RPS6KA1: variants seen among roughly 807,000 people sequenced by gnomAD.
RPS6KA1 encodes ribosomal protein S6 kinase alpha-1.
RPS6KA1 carries 48 observed loss-of-function variants against 91.3 expected under a neutral mutation model. That is an observed-to-expected ratio of 0.53 (90% CI 0.42 to 0.67). The LOEUF (loss-of-function observed/expected upper bound fraction) is 0.67, where lower values mean the gene tolerates loss of function less well. Among genes scored for constraint, RPS6KA1 ranks in the 30% least tolerant of loss-of-function variants. The pLI, the probability that RPS6KA1 is intolerant of heterozygous loss-of-function variation, is 0.00. For missense variants in RPS6KA1, 719 were observed against 960.5 expected, an observed-to-expected ratio of 0.75 and a Z score of 3.32; for synonymous variants, 359 against 384.7, an observed-to-expected ratio of 0.93 and a Z score of 0.78.
intron 2 of RPS6KA1, chr1:26,546,158 C>T (rs2075993277): frequency 8.9e-7 from 1 of 1,117,952 alleles, no homozygotes; most frequent in South Asian, 1.5e-5. Context: ...TGCAGGGTGA[C>T]TGGACCCTGC....
chr1:26,555,073 G>A lies in RPS6KA1; in HGVS notation c.757-78G>A. 7.2e-7 allele frequency: 1 copy of A among 1,382,080 alleles called. No individual in the cohort carries two copies. Among genetic ancestry groups the A allele is most frequent in the Non-Finnish European group, 1.0e-6 (1 of 977,634 alleles). The allele number at this position is 1,382,080 out of a possible 1,614,324, so 85.6% of individuals were successfully genotyped here. A position where few individuals can be genotyped will look rare whatever the true frequency, so the allele number is the denominator to read the frequency against. Reference sequence around the variant, plus strand: ...CAGCAAGAATCCTGGGACTGGGGCAGAGGGGTCTGACTGGGAGGAGGCGGG... The same window carrying A: ...CAGCAAGAATCCTGGGACTGGGGCAAAGGGGTCTGACTGGGAGGAGGCGGG... On this transcript the variant is annotated intron_variant, in intron 9 of 21. Transcript: ENST00000374168. This position sits in a 1 kb window ranked among gnomAD's most constrained non-coding sequence, Gnocchi z 4.3.
intron 1 of RPS6KA1, among the ~76,000 whole-genome samples, chr1:26,531,976 G>A (rs1346993462): frequency 2.0e-5 from 3 of 152,252 alleles, no homozygotes; most frequent in South Asian, 2.1e-4. Context: ...ACATGTAAGC[G>A]ATACAGCCGC....
At chr1:26,533,325 G>C (rs564358166) in intron 1 of RPS6KA1, among the ~76,000 whole-genome samples, 2 of 152,216 alleles carry the variant, frequency 1.3e-5, no homozygotes, top group South Asian at 2.1e-4. Flanking sequence ...TGATCCTCGT[G>C]ATCTGTGAGG....
chr1:26,533,160 A>G (rs535899174), intron 1 of RPS6KA1, among the ~76,000 whole-genome samples: 4 of 151,942 alleles, frequency 2.6e-5, no homozygotes, highest in Admixed American at 2.6e-4. Context: ...GCTCACTGCA[A>G]CCTCCACCTC....
At chr1:26,565,018 G>A (rs2076186867) in intron 17 of RPS6KA1, among the ~76,000 whole-genome samples, 2 of 152,232 alleles carry the variant, frequency 1.3e-5, no homozygotes, top group Admixed American at 1.3e-4. Context: ...GAGGCAGTGA[G>A]CTCCTTCCAC....
rs568052711 is a variant in RPS6KA1 at position 26,558,865 on chromosome 1, C to T, written c.1143C>T (p.Phe381=). Residue 381 remains phenylalanine, a synonymous_variant, in exon 14 of 22, where the codon TTC becomes TTT. Transcript: ENST00000374168. This position sits in a 1 kb window ranked among gnomAD's most constrained non-coding sequence, Gnocchi z 4.0. Reference sequence around the variant, plus strand: ...ATCAGCTGTTCCGGGGCTTCAGCTTCGTGGCCACCGGCCTGATGGAAGACG... The same window carrying T: ...ATCAGCTGTTCCGGGGCTTCAGCTTTGTGGCCACCGGCCTGATGGAAGACG... The part of the protein sequence containing the change: ...GAHQLFRGFS[F]VATGLMEDDG... The T allele has an allele frequency of 9.3e-6, 15 of 1,613,892 alleles. No homozygotes were observed. Among genetic ancestry groups the T allele is most frequent in the South Asian group, 6.6e-5 (6 of 91,084 alleles).
intron 2 of RPS6KA1, among the ~76,000 whole-genome samples, chr1:26,541,080 G>A (rs1480785966): frequency 3.3e-5 from 5 of 151,452 alleles, no homozygotes; most frequent in Non-Finnish European, 4.4e-5. Context: ...ATGAGCCACC[G>A]CGCCCGGCCC....
At chr1:26,552,306 T>C in intron 6 of RPS6KA1, among the ~76,000 whole-genome samples, 1 of 143,304 alleles carries the variant, frequency 7.0e-6, no homozygotes, top group East Asian at 2.1e-4. Flanking sequence ...AAGAATCGCT[T>C]GAACCCAGGA....
intron 2 of RPS6KA1, among the ~76,000 whole-genome samples, chr1:26,544,987 CTCTG>C (rs2075979737): frequency 6.6e-6 from 1 of 151,976 alleles, no homozygotes; most frequent in African/African-American, 2.4e-5. Flanking sequence ...CTCTGTCCAC[CTCTG>C]TCTGTTAGAT....
At position 26,554,027 on chromosome 1, in the gene RPS6KA1, A is replaced by T; in HGVS notation, c.576-187A>T. 1 of 573,448 alleles carries T rather than the reference A, an allele frequency of 1.7e-6. No homozygotes were observed. Among genetic ancestry groups the T allele is most frequent in the East Asian group, 3.1e-5 (1 of 32,552 alleles). The allele number at this position is 573,448 out of a possible 1,614,324, so 35.5% of individuals were successfully genotyped here. On this transcript the variant is annotated intron_variant, in intron 7 of 21. Coordinates refer to ENST00000374168, the MANE Select transcript of RPS6KA1 (RefSeq NM_002953.4). The surrounding 1 kb of genome is among the most constrained non-coding windows in gnomAD (Gnocchi z 4.6). Reference sequence around the variant, plus strand: ...CTTGCCTCACACAGTTGCTTCAAGGATTAGCAAAAAAGATAGGCAACACCC... The same window carrying T: ...CTTGCCTCACACAGTTGCTTCAAGGTTTAGCAAAAAAGATAGGCAACACCC...
At chr1:26,546,145 C>A in intron 2 of RPS6KA1, 2 of 1,297,972 alleles carry the variant, frequency 1.5e-6, no homozygotes, top group Non-Finnish European at 2.1e-6. Flanking sequence ...CCAGGCCTGG[C>A]CCTGCAGGGT....
rs1284835980 is a variant in RPS6KA1, at chr1:26,540,042, G to A, written c.108+3073G>A. The stretch of plus-strand genomic sequence containing the variant: ...CCTTGGGCAGCCTCAGGTGTTGGGA[G>A]GAACTTCCCTTGGCCTGGTCAGAGA... On this transcript the variant is annotated intron_variant, in intron 2 of 21. Coordinates refer to ENST00000374168, the MANE Select transcript of RPS6KA1 (RefSeq NM_002953.4). The surrounding 1 kb of genome is among the most constrained non-coding windows in gnomAD (Gnocchi z 4.2). Among the ~76,000 whole-genome samples the A allele has an allele frequency of 2.0e-5, 3 of 152,214 alleles. No homozygotes were observed. Among genetic ancestry groups the A allele is most frequent in the African/African-American group, 7.2e-5 (3 of 41,450 alleles).
chr1:26,546,721 A>C (rs908133276), intron 2 of RPS6KA1, 146 bp from the exon 3 acceptor site: 1 of 617,550 alleles, frequency 1.6e-6, no homozygotes, highest in Non-Finnish European at 2.9e-6. Flanking sequence ...GAAATCGATG[A>C]CCCTGGAGGC....
rs1399426648 is a variant in RPS6KA1, at chr1:26,561,215, C to A, written c.1431+81C>A. 2 of 1,313,150 alleles carry A rather than the reference C, an allele frequency of 1.5e-6. No individual in the cohort carries two copies. The highest frequency in any genetic ancestry group is 2.2e-6 in the Non-Finnish European group (2 of 918,516). The allele number at this position is 1,313,150 out of a possible 1,614,324, so 81.3% of individuals were successfully genotyped here. On this transcript the variant is annotated intron_variant, in intron 16 of 21. Transcript: ENST00000374168. The surrounding 1 kb of genome is among the most constrained non-coding windows in gnomAD (Gnocchi z 5.7). ...TGTCTCAGGATTGCCATTCCTTTGA[C>A]TTCTCATCCTCTTTCCAGTGGTCAT...
Position 26,571,395 on chromosome 1 carries a change from G to C in RPS6KA1, c.1591-54G>C. 1.3e-6 allele frequency: 2 copies of C among 1,573,992 alleles called. No individual in the cohort carries two copies. Among genetic ancestry groups the C allele is most frequent in the Non-Finnish European group, 1.7e-6 (2 of 1,146,302 alleles). ...CTTTCTAATCTCTGGCCGCTGACCT[G>C]GGCCACTAGCCACCTCCCCACACTG... On this transcript the variant is annotated intron_variant, in intron 17 of 21. Transcript: ENST00000374168. This position sits in a 1 kb window ranked among gnomAD's most constrained non-coding sequence, Gnocchi z 5.1.
intron 13 of RPS6KA1, among the ~76,000 whole-genome samples, chr1:26,557,551 C>T (rs1319562980): frequency 6.6e-6 from 1 of 152,130 alleles, no homozygotes; most frequent in Non-Finnish European, 1.5e-5. Context: ...GACTGCCCGG[C>T]CTCCGTGTAC....
At chr1:26,567,345 G>A (rs364977) in intron 17 of RPS6KA1, among the ~76,000 whole-genome samples, 42,904 of 151,772 alleles carry the variant, frequency 0.28, 6,943 homozygotes, top group East Asian at 0.75. Context: ...GTGCTGCTTT[G>A]GACAGCATCT....
chr1:26,546,872 G>C lies in RPS6KA1; in HGVS notation c.114G>C (p.Glu38Asp). Residue 38 changes from glutamate (E) to aspartate (D), a missense_variant, in exon 3 of 22, where the codon GAG becomes GAC. Around this residue, in one of 5 missense-constraint regions of RPS6KA1, gnomAD observed 57 missense variants for 55.8 expected, o/e 1.02. Transcript: ENST00000374168. ...CAGCTCTGTCCCTCCATCAGGATGA[G>C]GGCGTCCTCAAGGAGATCTCCATCA... ...EEAGLQPSKD[E>D]GVLKEISITH... 6.2e-7 allele frequency: 1 copy of C among 1,613,792 alleles called. No individual in the cohort carries two copies. Among genetic ancestry groups the C allele is most frequent in the Non-Finnish European group, 8.5e-7 (1 of 1,179,744 alleles).
At chr1:26,550,070 G>A (rs2076034736) in intron 4 of RPS6KA1, among the ~76,000 whole-genome samples, 1 of 151,520 alleles carries the variant, frequency 6.6e-6, no homozygotes, top group Non-Finnish European at 1.5e-5. Flanking sequence ...GTAGAGACAG[G>A]GTTTCTCCAT....
Sources: allele counts gnomAD v4.1 joint callset (sites outside exome capture counted in the v4.1 genomes callset), GRCh38; gene constraint gnomAD v4.1.1; regional missense constraint gnomAD v4.1.1; non-coding constraint Gnocchi (gnomAD v3.1); transcripts MANE v1.5; gene names NCBI Gene and HGNC (gene_info 2026-07-23, HGNC 2026-07-21).